DOCK2: variants seen among roughly 807,000 people sequenced by gnomAD.
DOCK2 encodes the protein dedicator of cytokinesis 2, also known as dedicator of cytokinesis protein 2.
Under a neutral mutation model 248.9 loss-of-function variants are expected in DOCK2, and 87 were observed. The ratio of observed to expected loss-of-function variants is 0.35; its 90% CI spans 0.29 to 0.42. DOCK2 has a LOEUF of 0.42. DOCK2 is among the 10% of genes least tolerant of loss of function. The pLI is 1.00. For missense variants in DOCK2, 1,747 were observed against 2,300.2 expected, an observed-to-expected ratio of 0.76 and a Z score of 4.92; for synonymous variants, 805 against 821.6, an observed-to-expected ratio of 0.98 and a Z score of 0.35.
intron 1 of DOCK2, among the ~76,000 whole-genome samples, chr5:169,650,902 G>T (rs1757768662): frequency 6.6e-6 from 1 of 152,222 alleles, no homozygotes; most frequent in African/African-American, 2.4e-5. Context: ...AAGCTGGAAT[G>T]AGTATTTGCG....
At chr5:169,806,109 T>C (rs1056773238) in intron 26 of DOCK2, among the ~76,000 whole-genome samples, 2 of 151,564 alleles carry the variant, frequency 1.3e-5, no homozygotes, top group Non-Finnish European at 2.9e-5. Context: ...CATGATTACT[T>C]TGAGCTAAAC....
intron 25 of DOCK2, among the ~76,000 whole-genome samples, chr5:169,768,260 G>A (rs1315990893): frequency 6.6e-6 from 1 of 152,228 alleles, no homozygotes; most frequent in African/African-American, 2.4e-5. Context: ...GGATGTAAAC[G>A]AAGCACACGC....
chr5:169,816,960 C>T (rs1040854971), intron 26 of DOCK2, among the ~76,000 whole-genome samples: 6 of 152,160 alleles, frequency 3.9e-5, no homozygotes, highest in African/African-American at 1.4e-4. Context: ...GAATCTAGCC[C>T]ACAGATGTAT....
intron 30 of DOCK2, chr5:169,999,946 G>C (rs147938327): frequency 6.2e-4 from 94 of 152,312 alleles, no homozygotes; most frequent in African/African-American, 2.2e-3. Flanking sequence ...TAAGAAGCTT[G>C]GTGACTGCCA....
intron 27 of DOCK2, among the ~76,000 whole-genome samples, chr5:169,862,655 G>C (rs574314710): frequency 6.6e-6 from 1 of 152,320 alleles, no homozygotes; most frequent in East Asian, 1.9e-4. Flanking sequence ...ACTAGAAACA[G>C]AACAAGAACA....
chr5:169,981,859 C>T (rs1276780263), intron 27 of DOCK2, among the ~76,000 whole-genome samples: 3 of 152,054 alleles, frequency 2.0e-5, no homozygotes, highest in Non-Finnish European at 4.4e-5. Context: ...TAATAGACTA[C>T]AATAGAGTGT....
In DOCK2 at chr5:170,076,028, G is replaced by A; in HGVS notation, c.4810G>A (p.Glu1604Lys). 1 of 1,603,918 alleles carries A rather than the reference G, an allele frequency of 6.2e-7. No individual in the cohort carries two copies. The stretch of plus-strand genomic sequence containing the variant: ...GCGACCCTTCCATGACCGGATGGAG[G>A]AATGTTTCAAGAACCTGAAAATGAA... Reference protein sequence around the residue: ...NLRPFHDRMEECFKNLKMKVE... With the variant: ...NLRPFHDRMEKCFKNLKMKVE... The change falls in exon 47 of 52, where the codon GAA becomes AAA. Residue 1604 changes from glutamate (E) to lysine (K), a missense_variant. Physicochemically the swap from Glu to Lys is moderately conservative, Grantham distance 56. This residue lies in a region of DOCK2 where 513 missense variants were observed against 586.1 expected (regional missense o/e 0.88). Coordinates refer to ENST00000520908, the MANE Select transcript of DOCK2 (RefSeq NM_004946.3).
chr5:169,909,076 A>AGCCAG (rs1774451751), intron 27 of DOCK2, among the ~76,000 whole-genome samples: 1 of 152,206 alleles, frequency 6.6e-6, no homozygotes, highest in Non-Finnish European at 1.5e-5. Flanking sequence ...TGCTTTCAGT[A>AGCCAG]GCTGCTGCTG....
At chr5:169,926,133 C>G (rs1283321647) in intron 27 of DOCK2, among the ~76,000 whole-genome samples, 1 of 152,140 alleles carries the variant, frequency 6.6e-6, no homozygotes, top group Non-Finnish European at 1.5e-5. Context: ...TCTGGGAAGC[C>G]AGTCAGGCCA....
chr5:169,822,430 A>G (rs1342472225), intron 26 of DOCK2, among the ~76,000 whole-genome samples: 1 of 152,372 alleles, frequency 6.6e-6, no homozygotes, highest in Admixed American at 6.5e-5. Flanking sequence ...CTCAGACCAC[A>G]GTGCAATCAA....
chr5:170,026,861 ACT>A (rs1241447916), intron 33 of DOCK2, among the ~76,000 whole-genome samples: 1 of 151,868 alleles, frequency 6.6e-6, no homozygotes, highest in Non-Finnish European at 1.5e-5. Context: ...ACCAGTCTTG[ACT>A]CTCTGAGACC....
intron 27 of DOCK2, among the ~76,000 whole-genome samples, chr5:169,975,371 G>C (rs1777678301): frequency 6.6e-6 from 1 of 152,126 alleles, no homozygotes; most frequent in Non-Finnish European, 1.5e-5. Flanking sequence ...CAAATCAATG[G>C]CTTCTCTTTG....
intron 6 of DOCK2, among the ~76,000 whole-genome samples, chr5:169,680,798 T>C (rs1759616772): frequency 1.3e-5 from 2 of 152,290 alleles, no homozygotes; most frequent in Admixed American, 6.5e-5. Flanking sequence ...CCTAGGCCCC[T>C]ACCTGTCCCC....
rs540837805 is a variant in DOCK2, at chr5:170,077,718, T to G, written c.4875T>G (p.Phe1625Leu). 5.7e-5 allele frequency: 92 copies of G among 1,613,776 alleles called. No individual in the cohort carries two copies. Among genetic ancestry groups the G allele is most frequent in the Admixed American group, 1.3e-4 (8 of 60,008 alleles). ...CTGTTCTCCCACCACAGCCTGACTTTGACGACAGGAGAGTGGGCCGTCCCA... is the reference window on the plus strand; with the variant it reads ...CTGTTCTCCCACCACAGCCTGACTTGGACGACAGGAGAGTGGGCCGTCCCA... ...KEYGVREMPD[F>L]DDRRVGRPRS... The change falls in exon 48 of 52, where the codon TTT (phenylalanine) becomes TTG (leucine). Residue 1625 changes from phenylalanine to leucine, a missense_variant. Phe to Leu is a conservative substitution (Grantham distance 22). This residue lies in a region of DOCK2 where 513 missense variants were observed against 586.1 expected (regional missense o/e 0.88). Transcript: ENST00000520908.
chr5:169,715,623 T>A (rs946223902), intron 19 of DOCK2, among the ~76,000 whole-genome samples: 1 of 151,946 alleles, frequency 6.6e-6, no homozygotes. Flanking sequence ...AAGTTTGTTA[T>A]TTAAATATGA....
intron 27 of DOCK2, among the ~76,000 whole-genome samples, chr5:169,921,813 A>G (rs1480637150): frequency 1.3e-5 from 2 of 152,200 alleles, no homozygotes; most frequent in Non-Finnish European, 2.9e-5. Flanking sequence ...AGAGCTCTTA[A>G]TCGAACTTTT....
chr5:169,680,531 C>A (rs977000851), intron 6 of DOCK2, among the ~76,000 whole-genome samples: 3 of 152,142 alleles, frequency 2.0e-5, no homozygotes, highest in Non-Finnish European at 2.9e-5. Context: ...TATATAAATA[C>A]CTCCTCTGTG....
chr5:169,920,968 T>C (rs954151344), intron 27 of DOCK2, among the ~76,000 whole-genome samples: 3 of 152,224 alleles, frequency 2.0e-5, no homozygotes, highest in Non-Finnish European at 4.4e-5. Context: ...GAGATTCATA[T>C]TGTTAGGTCT....
chr5:169,637,913 C>A (rs1349854312), intron 1 of DOCK2, among the ~76,000 whole-genome samples: 1 of 152,042 alleles, frequency 6.6e-6, no homozygotes, highest in African/African-American at 2.4e-5. Context: ...CTCTACTCAG[C>A]CCCCCAGAGC....
Sources: gnomAD v4.1 joint callset for allele counts (sites outside exome capture counted in the v4.1 genomes callset) on GRCh38, gnomAD v4.1.1 for gene constraint, gnomAD v4.1.1 regional missense constraint, MANE v1.5 for transcripts, NCBI Gene and HGNC (gene_info 2026-07-23, HGNC 2026-07-21) for gene names.